Variants in ITGA8 observed in about 807,000 individuals in gnomAD.
ITGA8 encodes the protein integrin subunit alpha 8.
A neutral mutation model predicts 142.3 loss-of-function variants in ITGA8; 91 were observed. That is an observed-to-expected ratio of 0.64 (90% CI 0.54 to 0.76). The LOEUF is 0.76. ITGA8 is among the 30% of genes least tolerant of loss of function. The pLI, the probability that ITGA8 is intolerant of heterozygous loss-of-function variation, is 0.00. For missense variants in ITGA8, 1,406 were observed against 1,327.7 expected, an observed-to-expected ratio of 1.06 and a Z score of -0.92; for synonymous variants, 505 against 485.2, an observed-to-expected ratio of 1.04 and a Z score of -0.54.
Position 15,593,838 on chromosome 10 carries a change from GA to G in ITGA8, c.2212-1535del, listed in dbSNP as rs1183871596. ...TGCTAAGGCATTACGCCCCAGCAAA[GA>G]TTTTTTTTTTTTTTTTTTTTGAGAC... On this transcript the variant is annotated intron_variant, in intron 21 of 29. Coordinates refer to ENST00000378076, the MANE Select transcript of ITGA8 (RefSeq NM_003638.3). Among the ~76,000 whole-genome samples, 731 of 124,922 alleles carry G rather than the reference GA, an allele frequency of 5.9e-3. 9 individuals carry two copies. Among genetic ancestry groups the G allele is most frequent in the African/African-American group, 0.021 (712 of 33,490 alleles). 82.0% of individuals were successfully genotyped at this position (124,922 alleles called of 152,430 possible).
chr10:15,548,490 C>T lies in ITGA8; in HGVS notation c.2845G>A (p.Val949Ile). 6.2e-7 allele frequency: 1 copy of T among 1,607,532 alleles called. No homozygotes were observed. Among genetic ancestry groups the T allele is most frequent in the Non-Finnish European group, 8.5e-7 (1 of 1,178,144 alleles). Residue 949 changes from valine (V) to isoleucine (I), a missense_variant, in exon 27 of 30, where the codon GTC becomes ATC. Physicochemically the swap from Val to Ile is conservative, Grantham distance 29 (BLOSUM62 3). Transcript: ENST00000378076. The part of the protein sequence containing the change: ...LEGGESAVLK[V>I]RSRLWAHTFL... The stretch of plus-strand genomic sequence containing the variant: ...GTGTGGGCCCATAATCGTGACCTGA[C>T]TTTCAGGACTGCGCTTTCTCCTCCT...
intron 22 of ITGA8, among the ~76,000 whole-genome samples, chr10:15,586,954 C>G: frequency 6.7e-6 from 1 of 150,202 alleles, no homozygotes; most frequent in East Asian, 1.9e-4. Context: ...GACGGAGTCT[C>G]CCTCTGTTGC....
At chr10:15,660,720 A>G (rs1292807938) in intron 9 of ITGA8, among the ~76,000 whole-genome samples, 159 bp downstream of exon 9, 1 of 152,186 alleles carries the variant, frequency 6.6e-6, no homozygotes, top group African/African-American at 2.4e-5. Context: ...TGTTTAAGGT[A>G]GGTTAGGTAA....
intron 24 of ITGA8, among the ~76,000 whole-genome samples, chr10:15,574,459 C>T (rs1313935018): frequency 2.6e-5 from 4 of 152,240 alleles, no homozygotes; most frequent in Middle Eastern, 3.4e-3. Context: ...GGCACGATCT[C>T]GGCTCACTGC....
At chr10:15,529,540 A>T (rs576858228) in intron 28 of ITGA8, among the ~76,000 whole-genome samples, 1 of 152,344 alleles carries the variant, frequency 6.6e-6, no homozygotes, top group East Asian at 1.9e-4. Context: ...GCTCCCCTGC[A>T]GAATTGTCTC....
At chr10:15,712,558 G>A (rs955244294) in intron 2 of ITGA8, among the ~76,000 whole-genome samples, 4 of 152,208 alleles carry the variant, frequency 2.6e-5, no homozygotes, top group East Asian at 3.9e-4. Flanking sequence ...CTGAGATTGT[G>A]CCACTGCATT....
chr10:15,565,383 G>GT (rs780510216), intron 25 of ITGA8, among the ~76,000 whole-genome samples: 5 of 151,914 alleles, frequency 3.3e-5, no homozygotes, highest in East Asian at 1.9e-4. Flanking sequence ...GTTTTGTTCT[G>GT]TTTTTTTCTG....
chr10:15,694,271 T>TATATCATATATATGATAAC (rs1336715967), intron 2 of ITGA8, among the ~76,000 whole-genome samples: 3 of 94,826 alleles, frequency 3.2e-5, no homozygotes, highest in African/African-American at 1.1e-4. Context: ...CATCAGATAA[T>TATATCATATATATGATAAC]ATATCATACA....
In ITGA8 at chr10:15,607,770, G is replaced by A. The variant is rs1170891438; in HGVS notation, c.1671C>T (p.Leu557=). 2 of 1,613,342 alleles carry A rather than the reference G, an allele frequency of 1.2e-6. No homozygotes were observed. Among genetic ancestry groups the A allele is most frequent in the African/African-American group, 2.7e-5 (2 of 74,912 alleles). Residue 557 remains leucine, a synonymous_variant, in exon 17 of 30, where the codon CTC becomes CTT. Coordinates refer to ENST00000378076, the MANE Select transcript of ITGA8 (RefSeq NM_003638.3). ...GATGAGCCTGATGGTTATCAAGGAA[G>A]AGCGTCCGTTTAATAGCTCCTTTCT... The part of the protein sequence containing the change: ...LKQKGAIKRT[L]FLDNHQAHRV...
intron 25 of ITGA8, among the ~76,000 whole-genome samples, chr10:15,565,984 C>T (rs1834071731): frequency 6.6e-6 from 1 of 151,940 alleles, no homozygotes; most frequent in Non-Finnish European, 1.5e-5. Flanking sequence ...TAGGAAGTAA[C>T]GAGCGCCTGC....
intron 13 of ITGA8, among the ~76,000 whole-genome samples, chr10:15,638,092 T>C (rs908993276): frequency 1.3e-5 from 2 of 152,212 alleles, no homozygotes; most frequent in African/African-American, 4.8e-5. Flanking sequence ...ACTCTATGCC[T>C]GCACTTTGCT....
At position 15,597,293 on chromosome 10, in the gene ITGA8, G is replaced by A. The variant is rs1336722162; in HGVS notation, c.2125C>T (p.Arg709Ter). Residue 709 changes from arginine to a stop codon, truncating the protein, a stop_gained, in exon 21 of 30, where the codon CGA becomes TGA. Transcript: ENST00000378076. LOFTEE classifies it high-confidence loss of function. The part of the protein sequence containing the change: ...VGIERNNKGF[R>*]PLSCEYKMEN... ...ATCTTGTACTCACAGCTCAGTGGTC[G>A]AAATCCCTACAATTGCAAAGAACAG... 12 of 1,613,486 alleles carry A rather than the reference G, an allele frequency of 7.4e-6. No homozygotes were observed. Among genetic ancestry groups the A allele is most frequent in the South Asian group, 4.4e-5 (4 of 91,060 alleles).
chr10:15,557,892 G>A (rs1833912388), intron 26 of ITGA8, among the ~76,000 whole-genome samples, 182 bp downstream of exon 26: 1 of 152,224 alleles, frequency 6.6e-6, no homozygotes, highest in African/African-American at 2.4e-5. Flanking sequence ...TATATTGCAA[G>A]TGCTCCTTAA....
At chr10:15,664,672 C>A (rs541086589) in intron 8 of ITGA8, among the ~76,000 whole-genome samples, 2 of 146,236 alleles carry the variant, frequency 1.4e-5, no homozygotes, top group South Asian at 2.4e-4. Context: ...CCCCCTCCCC[C>A]CAACCCACAA....
At chr10:15,672,783 GA>G in intron 6 of ITGA8, 34 bp from the exon 7 acceptor site, 2 of 1,544,762 alleles carry the variant, frequency 1.3e-6, no homozygotes, top group Non-Finnish European at 1.7e-6. Flanking sequence ...TTAACTGAAT[GA>G]AAGCAAGAGG....
chr10:15,628,489 C>T (rs921648187), intron 13 of ITGA8, among the ~76,000 whole-genome samples: 37 of 151,672 alleles, frequency 2.4e-4, no homozygotes, highest in African/African-American at 4.6e-4. Flanking sequence ...CCCACCACCA[C>T]GCCTGGCTAA....
intron 2 of ITGA8, among the ~76,000 whole-genome samples, chr10:15,705,580 T>G (rs939934185): frequency 1.3e-5 from 2 of 152,190 alleles, no homozygotes; most frequent in Admixed American, 1.3e-4. Flanking sequence ...TAATTCCTAT[T>G]AGACTATAAT....
Position 15,678,784 on chromosome 10 carries a change from C to G in ITGA8, c.569-1G>C. ...CCCTGGCCTTCCGGATCAGCATTGC[C>G]TAGAACGATCAAAATACATAAATGT... On this transcript the variant is annotated splice_acceptor_variant, in intron 4 of 29. Transcript: ENST00000378076. LOFTEE classifies it high-confidence loss of function. The G allele has an allele frequency of 6.3e-7, 1 of 1,590,654 alleles. No homozygotes were observed. Among genetic ancestry groups the G allele is most frequent in the East Asian group, 2.2e-5 (1 of 44,558 alleles).
At chr10:15,643,889 C>T (rs1403044556) in intron 13 of ITGA8, 141 bp downstream of exon 13, 3 of 639,610 alleles carry the variant, frequency 4.7e-6, no homozygotes, top group African/African-American at 1.8e-5. Flanking sequence ...GCTCTGGAAT[C>T]GTACATTAAA....
Sources: gnomAD v4.1 joint callset for allele counts (sites outside exome capture counted in the v4.1 genomes callset) on GRCh38, gnomAD v4.1.1 for gene constraint, MANE v1.5 for transcripts, NCBI Gene and HGNC (gene_info 2026-07-23, HGNC 2026-07-21) for gene names.